The following RANBP2 variants were observed in gnomAD, a reference collection of about 807,000 sequenced individuals.
RANBP2 encodes E3 SUMO-protein ligase RanBP2.
Under a neutral mutation model 303.6 loss-of-function variants are expected in RANBP2, and 57 were observed. That is an observed-to-expected ratio of 0.19 (90% CI 0.15 to 0.23). The LOEUF is 0.23. RANBP2 is among the 10% of genes least tolerant of loss of function. The pLI is 1.00. For synonymous variants in RANBP2, 1,167 were observed against 1,301.5 expected, an observed-to-expected ratio of 0.90 and a Z score of 2.23; for missense variants, 3,138 against 3,780.8, an observed-to-expected ratio of 0.83 and a Z score of 4.46.
chr2:109,727,511 C>A, the RANBP2 span, among the ~76,000 whole-genome samples: 1 of 152,158 alleles, frequency 6.6e-6, no homozygotes, highest in East Asian at 1.9e-4. Context: ...CTCAATGGAT[C>A]CTTTATTCCT....
chr2:109,395,752 C>T, the RANBP2 span, among the ~76,000 whole-genome samples: 2 of 152,226 alleles, frequency 1.3e-5, no homozygotes, highest in Non-Finnish European at 2.9e-5. Context: ...GGGCCAGGCA[C>T]TGTGCTTCTG....
the RANBP2 span, among the ~76,000 whole-genome samples, chr2:109,703,412 C>G: frequency 6.6e-6 from 1 of 152,146 alleles, no homozygotes; most frequent in Non-Finnish European, 1.5e-5. Flanking sequence ...TAAAAAACCA[C>G]GTTTTTATTT....
chr2:109,282,236 A>G, the RANBP2 span, among the ~76,000 whole-genome samples: 7 of 152,206 alleles, frequency 4.6e-5, no homozygotes, highest in African/African-American at 9.6e-5. Flanking sequence ...TCCTTTACAC[A>G]TTAATGTAGG....
At chr2:109,051,331 T>C in the RANBP2 span, among the ~76,000 whole-genome samples, 1 of 152,196 alleles carries the variant, frequency 6.6e-6, no homozygotes, top group African/African-American at 2.4e-5. Context: ...TTTTTGTCTG[T>C]GTTTCACTGT....
chr2:109,311,822 G>A, the RANBP2 span, among the ~76,000 whole-genome samples: 1 of 151,970 alleles, frequency 6.6e-6, no homozygotes, highest in African/African-American at 2.4e-5. Context: ...TTACTAAAAT[G>A]GTGGTTTGTC....
the RANBP2 span, among the ~76,000 whole-genome samples, chr2:109,470,782 TAGAG>T: frequency 6.6e-6 from 1 of 152,182 alleles, no homozygotes; most frequent in South Asian, 2.1e-4. Context: ...GGCCACAGCT[TAGAG>T]AGACCCTTTG....
the RANBP2 span, chr2:109,618,952 TAA>T: frequency 6.0e-6 from 1 of 167,230 alleles, no homozygotes; most frequent in South Asian, 2.1e-4. Context: ...GTAAAATCTG[TAA>T]AGTTTGTTTT....
At chr2:108,867,712 T>G in the RANBP2 span, among the ~76,000 whole-genome samples, 136 of 152,350 alleles carry the variant, frequency 8.9e-4, no homozygotes, top group Non-Finnish European at 1.8e-3. Flanking sequence ...TATTGCTTTT[T>G]TTTGTTTGTT....
At chr2:109,149,142 G>T in the RANBP2 span, among the ~76,000 whole-genome samples, 1 of 152,256 alleles carries the variant, frequency 6.6e-6, no homozygotes, top group African/African-American at 2.4e-5. Context: ...GCTGAGACTG[G>T]CCTAGGAGCT....
chr2:108,786,554 C>G (rs1439627834), downstream of RANBP2, among the ~76,000 whole-genome samples: 1 of 152,068 alleles, frequency 6.6e-6, no homozygotes, highest in Admixed American at 6.5e-5. Flanking sequence ...TGCCCCTCAA[C>G]CCGTGGCACC....
At chr2:108,778,062 T>C (rs185349830) in intron 25 of RANBP2, among the ~76,000 whole-genome samples, 5 of 152,324 alleles carry the variant, frequency 3.3e-5, no homozygotes, top group Admixed American at 1.3e-4. Flanking sequence ...TTTTAATTTA[T>C]GAAATAGCCT....
At chr2:109,238,805 C>T in the RANBP2 span, among the ~76,000 whole-genome samples, 5 of 152,096 alleles carry the variant, frequency 3.3e-5, no homozygotes, top group Admixed American at 6.5e-5. Flanking sequence ...TGATGAAACC[C>T]GGCGAGGTGT....
chr2:109,436,542 A>G, the RANBP2 span, among the ~76,000 whole-genome samples: 2 of 152,246 alleles, frequency 1.3e-5, no homozygotes, highest in Non-Finnish European at 2.9e-5. Context: ...CTCGCGGGAC[A>G]TGACTGAGTC....
the RANBP2 span, among the ~76,000 whole-genome samples, chr2:109,364,266 C>G: frequency 6.6e-6 from 1 of 152,096 alleles, no homozygotes; most frequent in Non-Finnish European, 1.5e-5. Flanking sequence ...GTCCAGTCTC[C>G]TAATAAGCAC....
the RANBP2 span, among the ~76,000 whole-genome samples, chr2:108,824,916 A>G: frequency 6.6e-6 from 1 of 152,194 alleles, no homozygotes; most frequent in East Asian, 1.9e-4. Context: ...GTTGACCGAA[A>G]TGTTATGCAG....
At chr2:109,084,199 A>G in the RANBP2 span, among the ~76,000 whole-genome samples, 1 of 152,206 alleles carries the variant, frequency 6.6e-6, no homozygotes, top group Non-Finnish European at 1.5e-5. Context: ...AAGATCTCCA[A>G]CAGAAATTGA....
the RANBP2 span, among the ~76,000 whole-genome samples, chr2:109,099,635 A>G: frequency 2.1e-3 from 312 of 147,138 alleles, 2 homozygotes; most frequent in African/African-American, 7.5e-3. Flanking sequence ...TTTTATTTTT[A>G]TTTCTCACTG....
the RANBP2 span, among the ~76,000 whole-genome samples, chr2:109,358,457 T>A: frequency 0.02 from 2,972 of 152,312 alleles, 95 homozygotes; most frequent in African/African-American, 0.068. Flanking sequence ...CATGCCTAGT[T>A]TTGTAAGAAA....
At chr2:109,568,093 G>C in the RANBP2 span, 1 of 757,958 alleles carries the variant, frequency 1.3e-6, no homozygotes, top group Middle Eastern at 3.4e-4. Context: ...CCTAGATCGG[G>C]GGGCTGGCAA....
Sources: allele counts gnomAD v4.1 joint callset (sites outside exome capture counted in the v4.1 genomes callset), GRCh38; gene constraint gnomAD v4.1.1; transcripts MANE v1.5; gene names NCBI Gene and HGNC (gene_info 2026-07-23, HGNC 2026-07-21).